Variants in OTUD7B observed in about 807,000 individuals in gnomAD.
The protein encoded by OTUD7B is OTU domain-containing protein 7B.
Under a neutral mutation model 82.2 loss-of-function variants are expected in OTUD7B, and 34 were observed. That is an observed-to-expected ratio of 0.41 (90% CI 0.31 to 0.55). The LOEUF (loss-of-function observed/expected upper bound fraction) is 0.55, where lower values mean the gene tolerates loss of function less well. Ranked by LOEUF, OTUD7B falls within the 20% of genes least tolerant of loss-of-function variation. The pLI is 0.20. For synonymous variants in OTUD7B, 398 were observed against 402.7 expected (o/e 0.99, Z 0.14); for missense variants, 944 against 1,062.1 (o/e 0.89, Z 1.55).
At chr1:150,002,630 G>A (rs971650371) in intron 1 of OTUD7B, among the ~76,000 whole-genome samples, 3 of 152,154 alleles carry the variant, frequency 2.0e-5, no homozygotes, top group Non-Finnish European at 2.9e-5. Flanking sequence ...AGAAGAGAGA[G>A]GTGAATTCAC....
At chr1:149,953,239 G>A (rs1553773917) in intron 7 of OTUD7B, among the ~76,000 whole-genome samples, 3 of 152,174 alleles carry the variant, frequency 2.0e-5, no homozygotes, top group African/African-American at 4.8e-5. Context: ...GTGTAAGGAA[G>A]GGATCCAGTT....
chr1:149,972,527 G>A (rs1263197818), intron 2 of OTUD7B, among the ~76,000 whole-genome samples: 2 of 152,140 alleles, frequency 1.3e-5, no homozygotes, highest in African/African-American at 4.8e-5. Context: ...GGCCTACCCT[G>A]ACTTAAAAAT....
chr1:150,005,023 T>C (rs1022346194), intron 1 of OTUD7B, among the ~76,000 whole-genome samples: 7 of 151,952 alleles, frequency 4.6e-5, no homozygotes, highest in Non-Finnish European at 8.8e-5. Context: ...CCACTGTGCC[T>C]GGCCTATTTT....
chr1:150,049,080 C>T, the OTUD7B span, among the ~76,000 whole-genome samples: 6 of 152,120 alleles, frequency 3.9e-5, no homozygotes, highest in African/African-American at 7.2e-5. Flanking sequence ...TCAAGTGATC[C>T]GTCTGCCTCA....
chr1:149,996,839 G>C (rs587748240), intron 1 of OTUD7B, among the ~76,000 whole-genome samples: 41 of 152,216 alleles, frequency 2.7e-4, no homozygotes, highest in African/African-American at 9.9e-4. Flanking sequence ...CTGTGGCCAC[G>C]AATAAGATAG....
At chr1:150,011,507 TTGTA>T (rs1228982768), upstream of OTUD7B, among the ~76,000 whole-genome samples, 1 of 152,228 alleles carries the variant, frequency 6.6e-6, no homozygotes, top group Non-Finnish European at 1.5e-5. Flanking sequence ...GTAGCAGAAC[TTGTA>T]TGTGTCCTAC....
In OTUD7B at chr1:149,949,043, G is replaced by C. The variant is rs781910048; in HGVS notation, c.1164C>G (p.Pro388=). ...TTCCAGGGTCCACAGCAAAGTGCAA[G>C]GGCAGCAGCTTATACTCTGAATCTG... is the stretch of plus-strand genomic sequence containing the variant. The part of the protein sequence containing the change: ...PLTDSEYKLL[P]LHFAVDPGKG... The change falls in exon 10 of 12, where the codon CCC becomes CCG. Residue 388 remains proline (P), a synonymous_variant. Coordinates refer to ENST00000581312, the MANE Select transcript of OTUD7B (RefSeq NM_020205.4). The C allele has an allele frequency of 6.2e-7, 1 of 1,613,900 alleles. No homozygotes were observed. Among genetic ancestry groups the C allele is most frequent in the Non-Finnish European group, 8.5e-7 (1 of 1,179,744 alleles).
upstream of OTUD7B, among the ~76,000 whole-genome samples, chr1:150,012,777 T>C (rs980592246): frequency 1.3e-5 from 2 of 152,232 alleles, no homozygotes; most frequent in Admixed American, 1.3e-4. Context: ...TTTGTGCCTA[T>C]TTCTTGCTCT....
chr1:149,943,521 C>T lies in OTUD7B; in HGVS notation c.*336G>A, dbSNP rs1267205569. On this transcript the variant is annotated 3_prime_UTR_variant, in exon 12 of 12. Coordinates refer to ENST00000581312, the MANE Select transcript of OTUD7B (RefSeq NM_020205.4). ...CCCAAGACTTCTGCCCACCTCCCACCCCCACACACCAAACCTTCCCCTGCT... is the reference window on the plus strand; with the variant it reads ...CCCAAGACTTCTGCCCACCTCCCACTCCCACACACCAAACCTTCCCCTGCT... 2 of 250,596 alleles carry T rather than the reference C, an allele frequency of 8.0e-6. No individual in the cohort carries two copies. Among genetic ancestry groups the T allele is most frequent in the East Asian group, 8.2e-5 (1 of 12,184 alleles). 15.5% of individuals were successfully genotyped at this position (250,596 alleles called of 1,614,324 possible).
chr1:150,027,718 G>C, the OTUD7B span, among the ~76,000 whole-genome samples: 1 of 150,946 alleles, frequency 6.6e-6, no homozygotes, highest in African/African-American at 2.5e-5. Flanking sequence ...GTGCTAAAAG[G>C]ATAACTGCTA....
rs187922201 is a variant in OTUD7B, at chr1:149,948,440, C to T, written c.1238+529G>A. On this transcript the variant is annotated intron_variant, in intron 10 of 11. Coordinates refer to ENST00000581312, the MANE Select transcript of OTUD7B (RefSeq NM_020205.4). Reference sequence around the variant, plus strand: ...AGGCTGTAGTGCAGTGGCACGATGTCGGCTCACTGCAACCCCTGCCTCCTG... The same window carrying T: ...AGGCTGTAGTGCAGTGGCACGATGTTGGCTCACTGCAACCCCTGCCTCCTG... 5.4e-3 allele frequency among the ~76,000 whole-genome samples: 801 copies of T among 148,314 alleles called. 8 individuals are homozygous for T. The highest frequency in any genetic ancestry group is 0.019 in the African/African-American group (749 of 40,076).
rs1649892243 is a variant in OTUD7B, at chr1:149,971,095, G to GGCA, written c.241_242insTGC (p.Arg80_Pro81insLeu). Reference sequence around the variant, plus strand: ...GATGTCATCCTGCCGCTGGAGGATGGGTCGGGGAGGGCGAGTAGGCTCTCT... The same window carrying GGCA: ...GATGTCATCCTGCCGCTGGAGGATGGGCAGTCGGGGAGGGCGAGTAGGCTCTCT... On this transcript the variant is annotated inframe_insertion, in exon 3 of 12. Coordinates refer to ENST00000581312, the MANE Select transcript of OTUD7B (RefSeq NM_020205.4). 6.2e-7 allele frequency: 1 copy of GGCA among 1,611,702 alleles called. No homozygotes were observed.
At chr1:150,050,228 C>T in the OTUD7B span, among the ~76,000 whole-genome samples, 1 of 151,598 alleles carries the variant, frequency 6.6e-6, no homozygotes, top group African/African-American at 2.4e-5. Context: ...ATAAATATTA[C>T]AATTTTTGCC....
chr1:150,008,179 C>T (rs782670010), intron 1 of OTUD7B, among the ~76,000 whole-genome samples: 7 of 152,190 alleles, frequency 4.6e-5, no homozygotes, highest in Non-Finnish European at 1.0e-4. Flanking sequence ...GCTTCTTCAA[C>T]CCCTTTGATC....
chr1:149,994,570 G>C (rs1651800130), intron 1 of OTUD7B, among the ~76,000 whole-genome samples: 1 of 115,512 alleles, frequency 8.7e-6, no homozygotes, highest in South Asian at 3.3e-4. Context: ...TGGTGACAGA[G>C]CAAGACTCCA....
chr1:150,014,026 GTATA>G (rs1325482924), upstream of OTUD7B, among the ~76,000 whole-genome samples: 11 of 104,278 alleles, frequency 1.1e-4, no homozygotes, highest in African/African-American at 3.2e-4. Flanking sequence ...ACATATATAC[GTATA>G]TATACGTATA....
the OTUD7B span, among the ~76,000 whole-genome samples, chr1:150,017,291 A>G: frequency 5.9e-5 from 9 of 152,284 alleles, no homozygotes; most frequent in South Asian, 1.0e-3. Context: ...ATCAGCTCCC[A>G]ATTATTGCAA....
chr1:150,055,497 T>C, the OTUD7B span, among the ~76,000 whole-genome samples: 40,036 of 152,088 alleles, frequency 0.26, 7,973 homozygotes, highest in African/African-American at 0.56. Context: ...TGATTCCTCA[T>C]AGAGCTAAAA....
At chr1:149,975,103 T>G in intron 2 of OTUD7B, among the ~76,000 whole-genome samples, 1 of 152,180 alleles carries the variant, frequency 6.6e-6, no homozygotes, top group East Asian at 1.9e-4. Flanking sequence ...CAAACTCTCT[T>G]GCACCTTAGG....
Sources: allele counts gnomAD v4.1 joint callset (sites outside exome capture counted in the v4.1 genomes callset), GRCh38; gene constraint gnomAD v4.1.1; transcripts MANE v1.5; gene names NCBI Gene and HGNC (gene_info 2026-07-23, HGNC 2026-07-21).